Variants in TLK1 observed in about 807,000 individuals in gnomAD.
TLK1 encodes tousled like kinase 1, also known as serine/threonine-protein kinase tousled-like 1.
TLK1 carries 24 observed loss-of-function variants against 105.3 expected under a neutral mutation model. The ratio of observed to expected loss-of-function variants is 0.23; its 90% CI spans 0.17 to 0.32. TLK1 has a LOEUF of 0.32. TLK1 is among the 10% of genes least tolerant of loss of function. TLK1 has a pLI of 1.00. For missense variants in TLK1, 558 were observed against 910.5 expected, an observed-to-expected ratio of 0.61 and a Z score of 4.98; for synonymous variants, 321 against 310.4, an observed-to-expected ratio of 1.03 and a Z score of -0.36.
At chr2:171,191,685 A>G in intron 1 of TLK1, among the ~76,000 whole-genome samples, 1 of 152,164 alleles carries the variant, frequency 6.6e-6, no homozygotes. Flanking sequence ...TACTTCTGCC[A>G]CTGAAAACTA....
At chr2:171,214,562 G>A (rs976508553) in intron 1 of TLK1, among the ~76,000 whole-genome samples, 1 of 152,102 alleles carries the variant, frequency 6.6e-6, no homozygotes, top group Non-Finnish European at 1.5e-5. Context: ...TCGCCTTGAG[G>A]GCTTGTTAAT....
In TLK1 at chr2:171,210,706, TC is replaced by T. The variant is rs752209472; in HGVS notation, c.-6+20438del. Reference sequence around the variant, plus strand: ...GACTTTTTTGCATTGTATTGCAACATCCTTATATCTGAACCACCTAGAGACT... The same window carrying T: ...GACTTTTTTGCATTGTATTGCAACATCTTATATCTGAACCACCTAGAGACT... On this transcript the variant is annotated intron_variant, in intron 1 of 20. Coordinates refer to the TLK1 transcript ENST00000521943. Among the ~76,000 whole-genome samples the T allele has an allele frequency of 9.8e-5, 15 of 152,314 alleles. No homozygotes were observed. In the East Asian group the frequency reaches 1.2e-3, roughly 12 times the overall value.
chr2:171,210,827 A>C (rs1379182191), intron 1 of TLK1, among the ~76,000 whole-genome samples: 1 of 152,240 alleles, frequency 6.6e-6, no homozygotes, highest in Non-Finnish European at 1.5e-5. Flanking sequence ...AATGTTGAGA[A>C]GAAATCTAGG....
intron 3 of TLK1, among the ~76,000 whole-genome samples, chr2:171,063,849 G>A (rs560568539): frequency 6.6e-6 from 1 of 152,316 alleles, no homozygotes; most frequent in South Asian, 2.1e-4. Context: ...AGAGGGATGA[G>A]GTGGGAAGAT....
At chr2:171,063,086 C>T (rs1163423328) in intron 3 of TLK1, among the ~76,000 whole-genome samples, 1 of 152,116 alleles carries the variant, frequency 6.6e-6, no homozygotes, top group Non-Finnish European at 1.5e-5. Flanking sequence ...TGACTCATGC[C>T]TGCAATCTCA....
intron 10 of TLK1, among the ~76,000 whole-genome samples, 154 bp from the exon 11 acceptor site, chr2:171,046,516 A>G (rs1281305305): frequency 6.6e-6 from 1 of 152,178 alleles, no homozygotes; most frequent in East Asian, 1.9e-4. Flanking sequence ...CTTATCCTTC[A>G]GGTCTCATTT....
At position 171,203,462 on chromosome 2, in the gene TLK1, T is replaced by G. The variant is rs533538985; in HGVS notation, c.-6+27683A>C. On this transcript the variant is annotated intron_variant, in intron 1 of 20. Transcript: ENST00000521943. ...AACATTGTATTTGTCTTTTTGTGAC[T>G]GGCTTATGTAATGTATCATGTCCTT... is the stretch of plus-strand genomic sequence containing the variant. Among the ~76,000 whole-genome samples the G allele has an allele frequency of 2.6e-4, 39 of 152,360 alleles. No individual in the cohort carries two copies. The South Asian group carries it at 6.6e-3, about 26-fold the overall frequency.
chr2:171,203,688 A>AGGAAATTTGACTATACAGAATATATCG, intron 1 of TLK1, among the ~76,000 whole-genome samples: 1 of 152,128 alleles, frequency 6.6e-6, no homozygotes, highest in Non-Finnish European at 1.5e-5. Flanking sequence ...AGAATATATC[A>AGGAAATTTGACTATACAGAATATATCG]GAGGAAATTT....
intron 1 of TLK1, among the ~76,000 whole-genome samples, chr2:171,186,914 T>C (rs1205565805): frequency 6.6e-6 from 1 of 151,332 alleles, no homozygotes; most frequent in Non-Finnish European, 1.5e-5. Flanking sequence ...AAAAATTGGC[T>C]GGGCGTGGTG....
intron 8 of TLK1, 120 bp from the exon 9 acceptor site, chr2:171,050,294 T>C (rs959744065): frequency 3.2e-6 from 2 of 621,874 alleles, no homozygotes; most frequent in Non-Finnish European, 5.0e-6. Flanking sequence ...AATATCTGAG[T>C]ATGATACGAG....
At position 171,061,160 on chromosome 2, in the gene TLK1, C is replaced by T; in HGVS notation, c.331-4G>A. The T allele has an allele frequency of 6.2e-7, 1 of 1,612,648 alleles. No individual in the cohort carries two copies. Among genetic ancestry groups the T allele is most frequent in the Non-Finnish European group, 8.5e-7 (1 of 1,179,414 alleles). On this transcript the variant is annotated splice_region_variant and splice_polypyrimidine_tract_variant and intron_variant, in intron 3 of 20. Coordinates refer to ENST00000431350, the MANE Select transcript of TLK1 (RefSeq NM_012290.5). ...CCGATTGTTTCTTCTCCGGTGTCTA[C>T]AGAAAACAAGATAACAGATTTTTAA...
intron 2 of TLK1, among the ~76,000 whole-genome samples, chr2:171,097,933 A>G (rs1397006364): frequency 6.7e-6 from 1 of 149,584 alleles, no homozygotes. Flanking sequence ...AGGAAAGGAA[A>G]GGAAGGGAAA....
At chr2:171,026,858 A>T (rs1216469650) in intron 12 of TLK1, among the ~76,000 whole-genome samples, 2 of 152,082 alleles carry the variant, frequency 1.3e-5, no homozygotes, top group Non-Finnish European at 2.9e-5. Flanking sequence ...ATCTATTATT[A>T]TAGAGAATAG....
At chr2:171,099,643 C>T (rs1036703271) in intron 2 of TLK1, among the ~76,000 whole-genome samples, 1 of 151,992 alleles carries the variant, frequency 6.6e-6, no homozygotes, top group Non-Finnish European at 1.5e-5. Flanking sequence ...TGTGGTATGG[C>T]GAAAAGATAG....
chr2:171,117,609 C>A (rs1340771344), intron 2 of TLK1, 130 bp downstream of exon 2: 1 of 703,030 alleles, frequency 1.4e-6, no homozygotes, highest in Non-Finnish European at 2.4e-6. Flanking sequence ...TTTATGAACA[C>A]TGATCTTATT....
intron 2 of TLK1, among the ~76,000 whole-genome samples, chr2:171,104,214 T>C (rs1689817991): frequency 6.6e-6 from 1 of 150,844 alleles, no homozygotes; most frequent in Non-Finnish European, 1.5e-5. Flanking sequence ...AGGCAGAGGT[T>C]GCAGTGAGCC....
chr2:171,208,291 G>A (rs189988442), intron 1 of TLK1, among the ~76,000 whole-genome samples: 1 of 152,192 alleles, frequency 6.6e-6, no homozygotes, highest in East Asian at 1.9e-4. Context: ...TATTCTCACT[G>A]TTGTTTAAGG....
At chr2:171,139,309 G>A (rs1195489289) in intron 1 of TLK1, among the ~76,000 whole-genome samples, 9 of 152,064 alleles carry the variant, frequency 5.9e-5, no homozygotes, top group Admixed American at 5.9e-4. Context: ...TAAAATAACA[G>A]TAATCTGGCT....
intron 1 of TLK1, among the ~76,000 whole-genome samples, chr2:171,208,850 A>G (rs552216569): frequency 6.6e-6 from 1 of 152,338 alleles, no homozygotes; most frequent in South Asian, 2.1e-4. Flanking sequence ...TCAAAATAAT[A>G]AATGCACTTT....
Sources: gnomAD v4.1 joint callset for allele counts (sites outside exome capture counted in the v4.1 genomes callset) on GRCh38, gnomAD v4.1.1 for gene constraint, MANE v1.5 for transcripts, NCBI Gene and HGNC (gene_info 2026-07-23, HGNC 2026-07-21) for gene names.